Variants in CCDC138 observed in about 807,000 individuals in gnomAD.
CCDC138 encodes coiled-coil domain-containing protein 138.
CCDC138 carries 66 observed loss-of-function variants against 82.3 expected under a neutral mutation model. That is an observed-to-expected ratio of 0.80 (90% CI 0.66 to 0.98). The LOEUF (loss-of-function observed/expected upper bound fraction) is 0.98, where lower values mean the gene tolerates loss of function less well. CCDC138 is among the 50% of genes least tolerant of loss of function. The pLI is 0.00. For missense variants in CCDC138, 816 were observed against 758.9 expected (o/e 1.08, Z -0.88); for synonymous variants, 297 against 265.4 (o/e 1.12, Z -1.16).
At chr2:108,800,647 T>C (rs890201449) in intron 6 of CCDC138, among the ~76,000 whole-genome samples, 12 of 134,492 alleles carry the variant, frequency 8.9e-5, no homozygotes, top group Non-Finnish European at 7.8e-5. Flanking sequence ...TTAATTATAC[T>C]TTAAGTTTTA....
At chr2:108,789,274 C>T (rs1412155952) in intron 3 of CCDC138, among the ~76,000 whole-genome samples, 4 of 152,120 alleles carry the variant, frequency 2.6e-5, no homozygotes, top group African/African-American at 7.2e-5. Context: ...ACTCTGCTCC[C>T]TTTCTTTAAA....
At chr2:108,800,495 C>T (rs1681724035) in intron 6 of CCDC138, among the ~76,000 whole-genome samples, 2 of 151,834 alleles carry the variant, frequency 1.3e-5, no homozygotes, top group African/African-American at 2.4e-5. Flanking sequence ...GAATTCCTGA[C>T]CTCAAGCAAT....
chr2:108,810,556 T>C (rs1439869294), intron 7 of CCDC138, among the ~76,000 whole-genome samples: 8 of 152,158 alleles, frequency 5.3e-5, no homozygotes. Flanking sequence ...TTGTTGAATT[T>C]GGTTTGCTAA....
In CCDC138 at chr2:108,805,988, A is replaced by G. The variant is rs374814480; in HGVS notation, c.855+980A>G. On this transcript the variant is annotated intron_variant, in intron 7 of 14. Coordinates refer to ENST00000295124, the MANE Select transcript of CCDC138 (RefSeq NM_144978.3). The stretch of plus-strand genomic sequence containing the variant: ...ATTGGGCTGGGAATCTGTATGGATT[A>G]TGTAACTTAAGCCTCAGACTCTCCT... 4.2e-5 allele frequency among the ~76,000 whole-genome samples: 6 copies of G among 142,414 alleles called. No homozygotes were observed. In the East Asian group the frequency reaches 9.1e-4, roughly 22 times the overall value. 93.4% of individuals were successfully genotyped at this position (142,414 alleles called of 152,430 possible).
At chr2:108,823,157 A>G (rs945188534) in intron 10 of CCDC138, among the ~76,000 whole-genome samples, 2 of 152,144 alleles carry the variant, frequency 1.3e-5, no homozygotes, top group African/African-American at 2.4e-5. Flanking sequence ...AAAAAACCCA[A>G]ACCTCCCAAC....
chr2:108,885,157 T>C (rs1696392185), exon 3 of CCDC138: 1 of 152,226 alleles, frequency 6.6e-6, no homozygotes, highest in Admixed American at 6.5e-5. Flanking sequence ...CAAACCCACC[T>C]TTACCCGCCC....
At chr2:108,824,693 C>G (rs1005439300) in intron 10 of CCDC138, among the ~76,000 whole-genome samples, 1 of 151,968 alleles carries the variant, frequency 6.6e-6, no homozygotes, top group South Asian at 2.1e-4. Context: ...CATTTATTAT[C>G]TTTATCAAGT....
chr2:108,871,552 C>CA (rs1014704998), intron 13 of CCDC138, among the ~76,000 whole-genome samples: 1 of 151,042 alleles, frequency 6.6e-6, no homozygotes, highest in Admixed American at 6.6e-5. Context: ...ACTTTAGCTC[C>CA]AAAAAAAATA....
At chr2:108,843,315 G>A (rs993344352) in intron 11 of CCDC138, among the ~76,000 whole-genome samples, 2 of 151,948 alleles carry the variant, frequency 1.3e-5, no homozygotes, top group South Asian at 4.2e-4. Context: ...CCACCACCAT[G>A]CCTGTCTACT....
downstream of CCDC138, among the ~76,000 whole-genome samples, chr2:108,881,193 G>A (rs1191828200): frequency 6.6e-6 from 1 of 152,174 alleles, no homozygotes; most frequent in Non-Finnish European, 1.5e-5. Context: ...TCAGTCTTGT[G>A]GAGAACTTGC....
chr2:108,862,254 A>G (rs1163684718), intron 13 of CCDC138, among the ~76,000 whole-genome samples: 10 of 152,112 alleles, frequency 6.6e-5, no homozygotes. Context: ...GAATTTATTT[A>G]CAAATGGGTT....
At chr2:108,854,010 AATATATAATAAATTTATATTATATATAAT>A (rs1558738335) in intron 12 of CCDC138, among the ~76,000 whole-genome samples, 2 of 99,442 alleles carry the variant, frequency 2.0e-5, no homozygotes, top group Admixed American at 1.4e-4. Flanking sequence ...TATTATATAT[AATATATAATAAATTTATATTATATATAAT>A]ATATAATAAA....
intron 12 of CCDC138, among the ~76,000 whole-genome samples, chr2:108,853,648 T>C (rs1691915500): frequency 6.7e-6 from 1 of 150,168 alleles, no homozygotes; most frequent in Admixed American, 6.8e-5. Context: ...TGCCTCAGGC[T>C]TCCAAGTAGC....
intron 7 of CCDC138, among the ~76,000 whole-genome samples, chr2:108,810,006 G>C (rs530862571): frequency 9.2e-5 from 14 of 152,204 alleles, no homozygotes; most frequent in African/African-American, 2.9e-4. Flanking sequence ...GGGTTTTGCT[G>C]TATTGGCCAG....
intron 13 of CCDC138, among the ~76,000 whole-genome samples, chr2:108,869,924 A>G (rs1428924869): frequency 6.6e-6 from 1 of 152,224 alleles, no homozygotes; most frequent in East Asian, 1.9e-4. Flanking sequence ...GCTCATCCAA[A>G]GGAACAAAAT....
At chr2:108,816,140 T>C (rs1284551255) in intron 10 of CCDC138, 35 bp downstream of exon 10, 1 of 1,492,098 alleles carries the variant, frequency 6.7e-7, no homozygotes, top group South Asian at 1.2e-5. Flanking sequence ...TGATTCAGAA[T>C]ATATGAAGAT....
At chr2:108,807,472 C>A (rs1683057531) in intron 7 of CCDC138, among the ~76,000 whole-genome samples, 1 of 152,102 alleles carries the variant, frequency 6.6e-6, no homozygotes, top group South Asian at 2.1e-4. Flanking sequence ...GCTAATCCAT[C>A]AGCTCAAACA....
chr2:108,863,247 A>G (rs1390572125), intron 13 of CCDC138, among the ~76,000 whole-genome samples: 2 of 152,254 alleles, frequency 1.3e-5, no homozygotes, highest in Non-Finnish European at 2.9e-5. Flanking sequence ...ATGAAATTAT[A>G]GATGCAATAT....
At chr2:108,815,920 G>T in intron 9 of CCDC138, 21 bp from the exon 10 acceptor site, 1 of 1,573,636 alleles carries the variant, frequency 6.4e-7, no homozygotes, top group South Asian at 1.2e-5. Flanking sequence ...TGAAATAAAT[G>T]ATTTAATTTT....
Sources: gnomAD v4.1 joint callset for allele counts (sites outside exome capture counted in the v4.1 genomes callset) on GRCh38, gnomAD v4.1.1 for gene constraint, MANE v1.5 for transcripts, NCBI Gene and HGNC (gene_info 2026-07-23, HGNC 2026-07-21) for gene names.